FRMD4A: variants seen among roughly 807,000 people sequenced by gnomAD.
FRMD4A encodes the protein FERM domain containing 4A.
A neutral mutation model predicts 129.1 loss-of-function variants in FRMD4A; 29 were observed. That is an observed-to-expected ratio of 0.22 (90% confidence interval 0.17 to 0.31). The LOEUF is 0.31. Among genes scored for constraint, FRMD4A ranks in the 10% least tolerant of loss-of-function variants. The pLI is 1.00. For synonymous variants in FRMD4A, 634 were observed against 571.6 expected, an observed-to-expected ratio of 1.11 and a Z score of -1.56; for missense variants, 1,272 against 1,375.8, an observed-to-expected ratio of 0.92 and a Z score of 1.19.
chr10:13,970,800 C>G (rs566226695), intron 2 of FRMD4A, among the ~76,000 whole-genome samples: 2 of 152,298 alleles, frequency 1.3e-5, no homozygotes, highest in South Asian at 4.1e-4. Context: ...TTAATGCCAC[C>G]AAACTGGACT....
intron 3 of FRMD4A, among the ~76,000 whole-genome samples, chr10:13,828,277 C>T (rs752457598): frequency 6.6e-6 from 1 of 152,132 alleles, no homozygotes; most frequent in Non-Finnish European, 1.5e-5. Context: ...AAATAGCATC[C>T]GTTGTACCCA....
chr10:14,300,188 C>T (rs1846138914), intron 2 of FRMD4A, among the ~76,000 whole-genome samples: 1 of 152,084 alleles, frequency 6.6e-6, no homozygotes. Flanking sequence ...AAGTTCCTTG[C>T]CATATCTCTC....
intron 2 of FRMD4A, among the ~76,000 whole-genome samples, chr10:14,128,410 G>T (rs1839045862): frequency 6.6e-6 from 1 of 152,082 alleles, no homozygotes; most frequent in Admixed American, 6.6e-5. Flanking sequence ...AGCATATTTT[G>T]CTTTCTGGTT....
chr10:13,895,842 T>C (rs1198628595), intron 2 of FRMD4A, among the ~76,000 whole-genome samples: 1 of 151,880 alleles, frequency 6.6e-6, no homozygotes, highest in Non-Finnish European at 1.5e-5. Context: ...AACAAGCCCA[T>C]CAGAAAGTGG....
intron 10 of FRMD4A, 100 bp from the exon 11 acceptor site, chr10:13,740,351 G>A (rs532389858): frequency 1.3e-4 from 123 of 932,696 alleles, no homozygotes; most frequent in South Asian, 1.3e-3. Flanking sequence ...GTATGTGTAC[G>A]TGATAAAGTT....
intron 3 of FRMD4A, among the ~76,000 whole-genome samples, chr10:13,856,653 G>A (rs1018574230): frequency 3.9e-5 from 6 of 152,260 alleles, no homozygotes; most frequent in African/African-American, 1.4e-4. Flanking sequence ...CGTGTTCTAG[G>A]AAGAGAGAAT....
At chr10:13,891,807 GC>G in intron 2 of FRMD4A, 1 of 906,946 alleles carries the variant, frequency 1.1e-6, no homozygotes, top group Non-Finnish European at 1.3e-6. Flanking sequence ...CTCGGCGTCA[GC>G]CCATAGCCCG....
intron 2 of FRMD4A, among the ~76,000 whole-genome samples, chr10:14,323,472 A>C (rs1843143967): frequency 6.6e-6 from 1 of 152,194 alleles, no homozygotes; most frequent in Non-Finnish European, 1.5e-5. Flanking sequence ...TTTTGAGGAA[A>C]ATTGAAGCCA....
At chr10:13,991,522 G>A (rs1330034445) in intron 2 of FRMD4A, among the ~76,000 whole-genome samples, 3 of 152,210 alleles carry the variant, frequency 2.0e-5, no homozygotes, top group Non-Finnish European at 4.4e-5. Flanking sequence ...CAATGGAGTG[G>A]AATGGAGTGG....
chr10:13,992,526 A>G (rs1458604272), intron 2 of FRMD4A, among the ~76,000 whole-genome samples: 1 of 152,248 alleles, frequency 6.6e-6, no homozygotes, highest in East Asian at 1.9e-4. Context: ...GTTGCTGCTC[A>G]TTCAAAACAA....
At chr10:14,309,472 AAAC>A (rs919590081) in intron 2 of FRMD4A, among the ~76,000 whole-genome samples, 1 of 152,072 alleles carries the variant, frequency 6.6e-6, no homozygotes, top group African/African-American at 2.4e-5. Context: ...AAAACAAAAC[AAAC>A]AACAACAACA....
At chr10:14,313,190 CA>C (rs34896223) in intron 2 of FRMD4A, among the ~76,000 whole-genome samples, 124,943 of 148,440 alleles carry the variant, frequency 0.84, 52,718 homozygotes, top group Non-Finnish European at 0.87. Context: ...TCATTTCTAC[CA>C]AAAAAAAAAA....
chr10:13,893,311 C>A (rs914348097), intron 2 of FRMD4A, among the ~76,000 whole-genome samples: 1 of 152,068 alleles, frequency 6.6e-6, no homozygotes, highest in Non-Finnish European at 1.5e-5. Context: ...AAGCCAGGTT[C>A]GAATGGGATT....
chr10:13,682,493 CTTTCTT>C (rs1207616565), intron 15 of FRMD4A, among the ~76,000 whole-genome samples: 1 of 96,260 alleles, frequency 1.0e-5, no homozygotes, highest in Non-Finnish European at 2.4e-5. Flanking sequence ...CATTTTCTTT[CTTTCTT>C]TTTTTTTTTT....
intron 13 of FRMD4A, among the ~76,000 whole-genome samples, chr10:13,702,104 C>T (rs1206097008): frequency 6.6e-6 from 1 of 152,118 alleles, no homozygotes; most frequent in African/African-American, 2.4e-5. Context: ...TGGAGTCTTG[C>T]CCTGTCACCC....
intron 2 of FRMD4A, among the ~76,000 whole-genome samples, chr10:14,123,066 T>C (rs1838623732): frequency 6.6e-6 from 1 of 152,216 alleles, no homozygotes; most frequent in South Asian, 2.1e-4. Context: ...ATTCTATTTT[T>C]GAATATATTT....
chr10:14,028,537 A>G lies in FRMD4A; in HGVS notation c.46-169625T>C, dbSNP rs145763994. Among the ~76,000 whole-genome samples the G allele has an allele frequency of 1.3e-3, 201 of 152,286 alleles. 2 individuals are homozygous for G. Among genetic ancestry groups the G allele is most frequent in the Admixed American group, 3.5e-3 (54 of 15,296 alleles). ...GTCCACCCCAGGAGGAAGGTTGATG[A>G]AATAAACATATCTCTTATGAAAATC... On this transcript the variant is annotated intron_variant, in intron 2 of 24. Coordinates refer to ENST00000357447, the MANE Select transcript of FRMD4A (RefSeq NM_018027.5).
Position 13,701,536 on chromosome 10 carries a change from C to T in FRMD4A, c.837-58G>A, listed in dbSNP as rs2086830659. On this transcript the variant is annotated intron_variant, in intron 13 of 24. Transcript: ENST00000357447. ...ATTTCTGTTGAGAGAAACCATTTCT[C>T]AGTCAACAGCTTCTGTAGAGAACCC... 4 of 1,539,274 alleles carry T rather than the reference C, an allele frequency of 2.6e-6. No homozygotes were observed. In the East Asian group the frequency reaches 9.0e-5, roughly 35 times the overall value.
chr10:14,012,128 T>C (rs144698677), intron 2 of FRMD4A, among the ~76,000 whole-genome samples: 3,436 of 151,052 alleles, frequency 0.023, 50 homozygotes, highest in Non-Finnish European at 0.033. Context: ...CATCCAGGAA[T>C]GGCCTAATGG....
Sources: gnomAD v4.1 joint callset for allele counts (sites outside exome capture counted in the v4.1 genomes callset) on GRCh38, gnomAD v4.1.1 for gene constraint, MANE v1.5 for transcripts, NCBI Gene and HGNC (gene_info 2026-07-23, HGNC 2026-07-21) for gene names.